IMMP2L: variants seen among roughly 807,000 people sequenced by gnomAD.
The protein encoded by IMMP2L is mitochondrial inner membrane protease subunit 2.
A neutral mutation model predicts 19.3 loss-of-function variants in IMMP2L; 18 were observed. That is an observed-to-expected ratio of 0.93 (90% CI 0.64 to 1.38). The LOEUF (loss-of-function observed/expected upper bound fraction) is 1.38, where lower values mean the gene tolerates loss of function less well. IMMP2L is among the 40% of genes most tolerant of loss of function. IMMP2L has a pLI of 0.00. For missense variants in IMMP2L, 233 were observed against 218.2 expected (o/e 1.07, Z -0.43); for synonymous variants, 76 against 73.0 (o/e 1.04, Z -0.21).
chr7:111,120,460 A>T (rs1460225838), intron 3 of IMMP2L, among the ~76,000 whole-genome samples: 1 of 152,138 alleles, frequency 6.6e-6, no homozygotes, highest in Non-Finnish European at 1.5e-5. Context: ...TGCCCCCATG[A>T]TTTAATTATC....
chr7:111,044,980 T>A (rs888203126), intron 3 of IMMP2L, among the ~76,000 whole-genome samples: 2 of 151,974 alleles, frequency 1.3e-5, no homozygotes, highest in Non-Finnish European at 1.5e-5. Flanking sequence ...AACTTTAAAA[T>A]GAAAAAGATA....
At chr7:111,118,204 T>C (rs1800125401) in intron 3 of IMMP2L, among the ~76,000 whole-genome samples, 2 of 152,112 alleles carry the variant, frequency 1.3e-5, no homozygotes, top group African/African-American at 4.8e-5. Flanking sequence ...TGAGCAGATA[T>C]TTTATCTTAT....
At chr7:111,421,394 C>T (rs1210989142) in intron 3 of IMMP2L, among the ~76,000 whole-genome samples, 2 of 150,584 alleles carry the variant, frequency 1.3e-5, no homozygotes, top group Non-Finnish European at 1.5e-5. Context: ...CTCAGCCTCC[C>T]GAGTAGCTGG....
At chr7:110,818,015 A>G (rs1251537928) in intron 5 of IMMP2L, among the ~76,000 whole-genome samples, 2 of 152,146 alleles carry the variant, frequency 1.3e-5, no homozygotes, top group Non-Finnish European at 2.9e-5. Flanking sequence ...AAACCCTAGA[A>G]GAAAACCTAG....
At chr7:111,362,123 T>C (rs1277322602) in intron 3 of IMMP2L, among the ~76,000 whole-genome samples, 2 of 152,030 alleles carry the variant, frequency 1.3e-5, no homozygotes, top group Admixed American at 1.3e-4. Flanking sequence ...TAATCTGATA[T>C]ACACCAGCAA....
rs373587262 is a variant in IMMP2L, at chr7:111,531,450, C to A, written c.-2-10001G>T. Among the ~76,000 whole-genome samples the A allele has an allele frequency of 2.2e-3, 336 of 152,154 alleles. 2 individuals carry two copies. The highest frequency in any genetic ancestry group is 7.7e-3 in the African/African-American group (318 of 41,532). On this transcript the variant is annotated intron_variant, in intron 1 of 5. Transcript: ENST00000405709. ...CTTATCCTGTAACTCCAAATAGACA[C>A]CATTTAACAGCATTTACAACCAAGG... is the stretch of plus-strand genomic sequence containing the variant.
chr7:110,705,750 C>T (rs1306021271), intron 5 of IMMP2L, among the ~76,000 whole-genome samples: 1 of 151,884 alleles, frequency 6.6e-6, no homozygotes, highest in African/African-American at 2.4e-5. Context: ...CCCTTTCCCC[C>T]TTCTATTAGT....
In IMMP2L at chr7:111,331,375, T is replaced by C. The variant is rs919394139; in HGVS notation, c.239+155863A>G. On this transcript the variant is annotated intron_variant, in intron 3 of 5. Coordinates refer to ENST00000405709, the MANE Select transcript of IMMP2L (RefSeq NM_032549.4). ...CTTATATGTGAAATCTACAATAACCTAACTCATAGAAGCAGAGAGTAGGAT... is the reference window on the plus strand; with the variant it reads ...CTTATATGTGAAATCTACAATAACCCAACTCATAGAAGCAGAGAGTAGGAT... Among the ~76,000 whole-genome samples, 3 of 151,976 alleles carry C rather than the reference T, an allele frequency of 2.0e-5. No individual in the cohort carries two copies. In the South Asian group the frequency reaches 6.2e-4, roughly 32 times the overall value.
intron 3 of IMMP2L, among the ~76,000 whole-genome samples, chr7:111,327,673 A>C (rs1041521532): frequency 2.0e-5 from 3 of 151,756 alleles, no homozygotes; most frequent in Admixed American, 6.6e-5. Flanking sequence ...ATTTTCAGAA[A>C]TAAGTTAGAG....
intron 3 of IMMP2L, among the ~76,000 whole-genome samples, chr7:111,464,227 A>G (rs986154344): frequency 4.6e-5 from 7 of 152,150 alleles, no homozygotes; most frequent in African/African-American, 1.7e-4. Flanking sequence ...TAATCCCAAT[A>G]CTTTGGGAAG....
At chr7:111,172,275 A>C (rs975442714) in intron 3 of IMMP2L, among the ~76,000 whole-genome samples, 1 of 151,496 alleles carries the variant, frequency 6.6e-6, no homozygotes, top group African/African-American at 2.4e-5. Flanking sequence ...GAAACTTAGG[A>C]GCTTTATTTA....
chr7:111,076,093 A>T (rs1450991504), intron 3 of IMMP2L, among the ~76,000 whole-genome samples: 2 of 151,984 alleles, frequency 1.3e-5, no homozygotes, highest in Non-Finnish European at 2.9e-5. Flanking sequence ...TTCTTCAAAT[A>T]GCCCCCCTCA....
intron 3 of IMMP2L, among the ~76,000 whole-genome samples, chr7:111,189,037 T>C (rs1156598347): frequency 1.3e-5 from 2 of 152,070 alleles, no homozygotes; most frequent in Non-Finnish European, 2.9e-5. Context: ...ACTAGTACCG[T>C]TGAGAAAAAT....
intron 5 of IMMP2L, among the ~76,000 whole-genome samples, chr7:110,712,933 C>T (rs568463721): frequency 6.7e-6 from 1 of 149,086 alleles, no homozygotes; most frequent in Non-Finnish European, 1.5e-5. Flanking sequence ...GAGATGAACC[C>T]GGTACCTCAG....
intron 3 of IMMP2L, among the ~76,000 whole-genome samples, chr7:111,287,998 T>C (rs1820683468): frequency 1.3e-5 from 2 of 152,212 alleles, no homozygotes; most frequent in Non-Finnish European, 2.9e-5. Context: ...ATGCCTTGCA[T>C]AGGTAAACAT....
intron 5 of IMMP2L, among the ~76,000 whole-genome samples, chr7:110,818,565 AG>A (rs1326216924): frequency 2.9e-4 from 44 of 151,626 alleles, no homozygotes; most frequent in African/African-American, 1.0e-3. Flanking sequence ...GCGATTCCTC[AG>A]GGATCTAGAA....
intron 5 of IMMP2L, among the ~76,000 whole-genome samples, chr7:110,789,337 C>T (rs931516943): frequency 5.3e-5 from 8 of 151,770 alleles, no homozygotes; most frequent in Non-Finnish European, 1.0e-4. Flanking sequence ...GTAAATGGAA[C>T]AGATTTACCA....
intron 3 of IMMP2L, among the ~76,000 whole-genome samples, chr7:111,452,552 G>A (rs1398881747): frequency 6.6e-6 from 1 of 151,954 alleles, no homozygotes; most frequent in Admixed American, 6.6e-5. Context: ...TTCTACTGCT[G>A]AATAAAAAAG....
intron 1 of IMMP2L, among the ~76,000 whole-genome samples, chr7:111,538,638 A>C (rs1848114464): frequency 6.7e-6 from 1 of 148,994 alleles, no homozygotes; most frequent in African/African-American, 2.5e-5. Flanking sequence ...GTCTCTAAAA[A>C]AAAAAAAAAA....
Sources: allele counts gnomAD v4.1 joint callset (sites outside exome capture counted in the v4.1 genomes callset), GRCh38; gene constraint gnomAD v4.1.1; transcripts MANE v1.5; gene names NCBI Gene and HGNC (gene_info 2026-07-23, HGNC 2026-07-21).